PKHD1: variants seen among roughly 807,000 people sequenced by gnomAD.
PKHD1 encodes the protein fibrocystin.
In PKHD1, 291 loss-of-function variants were observed where a neutral mutation model predicts 412.0. That is an observed-to-expected ratio of 0.71 (90% CI 0.64 to 0.78). The LOEUF (loss-of-function observed/expected upper bound fraction) is 0.78, where lower values mean the gene tolerates loss of function less well. Among genes scored for constraint, PKHD1 ranks in the 30% least tolerant of loss-of-function variants. The pLI is 0.00. For missense variants in PKHD1, 4,825 were observed against 4,950.7 expected, an observed-to-expected ratio of 0.97 and a Z score of 0.76; for synonymous variants, 1,777 against 1,821.5, an observed-to-expected ratio of 0.98 and a Z score of 0.62.
chr6:51,869,286 C>A, intron 47 of PKHD1, among the ~76,000 whole-genome samples: 1 of 152,106 alleles, frequency 6.6e-6, no homozygotes, highest in East Asian at 1.9e-4. Context: ...CTTGCATATA[C>A]CTTCTTGCAA....
intron 52 of PKHD1, among the ~76,000 whole-genome samples, chr6:51,797,593 T>C (rs751199107): frequency 6.6e-6 from 1 of 152,212 alleles, no homozygotes; most frequent in Non-Finnish European, 1.5e-5. Context: ...TGGTTTAAAG[T>C]CCATTTTGTC....
At chr6:51,975,963 T>TGAAAAAAAAAAAAAAAAAAAAAAAAAAAA (rs1231391714) in intron 35 of PKHD1, 1 of 69,764 alleles carries the variant, frequency 1.4e-5, no homozygotes, top group Non-Finnish European at 2.7e-5. Context: ...TTTCTCTAAT[T>TGAAAAAAAAAAAAAAAAAAAAAAAAAAAA]AAAAAAAAAA....
chr6:51,853,808 C>A (rs1195086558), intron 49 of PKHD1, among the ~76,000 whole-genome samples: 1 of 152,140 alleles, frequency 6.6e-6, no homozygotes, highest in African/African-American at 2.4e-5. Flanking sequence ...TTCTAGTTAG[C>A]AATTCCTCTA....
At chr6:51,721,921 T>C (rs1781969557) in intron 60 of PKHD1, 2 of 1,611,932 alleles carry the variant, frequency 1.2e-6, no homozygotes, top group Non-Finnish European at 1.7e-6. Context: ...CTCCAACCCA[T>C]TCTTCACCCT....
chr6:52,052,691 C>T (rs1390357945), intron 21 of PKHD1, among the ~76,000 whole-genome samples: 1 of 152,118 alleles, frequency 6.6e-6, no homozygotes, highest in Admixed American at 6.5e-5. Context: ...ATTTATTAGA[C>T]ACCTTCTATG....
At chr6:51,992,420 G>A (rs1195386181) in intron 35 of PKHD1, among the ~76,000 whole-genome samples, 1 of 152,210 alleles carries the variant, frequency 6.6e-6, no homozygotes, top group Non-Finnish European at 1.5e-5. Flanking sequence ...TCCAAGTGAA[G>A]TTATGAATTC....
intron 60 of PKHD1, among the ~76,000 whole-genome samples, chr6:51,738,271 C>T (rs980224777): frequency 1.5e-4 from 23 of 152,140 alleles, no homozygotes; most frequent in African/African-American, 5.3e-4. Context: ...CTACTGCCAC[C>T]TTTCTTAAAA....
intron 43 of PKHD1, 70 bp from the exon 44 acceptor site, chr6:51,887,315 T>G (rs757644270): frequency 8.7e-5 from 80 of 917,654 alleles, no homozygotes; most frequent in Non-Finnish European, 1.3e-4. Context: ...AGAAAGACTC[T>G]TGTTTGTACT....
chr6:51,929,150 T>C (rs1786190185), intron 37 of PKHD1, among the ~76,000 whole-genome samples: 1 of 152,068 alleles, frequency 6.6e-6, no homozygotes. Context: ...AAAAATATAT[T>C]GTTGGATAAG....
intron 60 of PKHD1, among the ~76,000 whole-genome samples, chr6:51,666,191 C>G (rs547158842): frequency 5.3e-4 from 81 of 152,094 alleles, no homozygotes; most frequent in African/African-American, 1.9e-3. Flanking sequence ...ACAAAGATAT[C>G]AATTCAAAAT....
intron 53 of PKHD1, among the ~76,000 whole-genome samples, chr6:51,776,869 G>A (rs751789320): frequency 5.9e-5 from 9 of 152,062 alleles, no homozygotes; most frequent in Non-Finnish European, 1.2e-4. Context: ...GTGGAGTTTG[G>A]TATGAAAATT....
At chr6:51,953,938 A>G (rs1435374624) in intron 36 of PKHD1, among the ~76,000 whole-genome samples, 2 of 152,104 alleles carry the variant, frequency 1.3e-5, no homozygotes, top group Admixed American at 6.6e-5. Flanking sequence ...CCTCCCTCGC[A>G]ATAGAAGGAA....
At chr6:51,968,304 C>A (rs959976645) in intron 35 of PKHD1, among the ~76,000 whole-genome samples, 4 of 152,148 alleles carry the variant, frequency 2.6e-5, no homozygotes, top group Non-Finnish European at 4.4e-5. Flanking sequence ...AAGCATCAAG[C>A]TACTTTGTAG....
rs1479939738 is a variant in PKHD1, at chr6:51,748,012, T to A, written c.9604A>T (p.Asn3202Tyr). The A allele has an allele frequency of 6.2e-7, 1 of 1,614,070 alleles. No individual in the cohort carries two copies. The highest frequency in any genetic ancestry group is 8.5e-7 in the Non-Finnish European group (1 of 1,179,970). Reference sequence around the variant, plus strand: ...GAGCTGGTGGCCACAATGACTGAATTCCTAAGCACAATCTGCACTTTTTTG... The same window carrying A: ...GAGCTGGTGGCCACAATGACTGAATACCTAAGCACAATCTGCACTTTTTTG... ...SVKKVQIVLR[N>Y]SVIVATSSSF... The change falls in exon 58 of 67, where the codon AAT becomes TAT. Residue 3202 changes from asparagine (N) to tyrosine (Y), a missense_variant. Physicochemically the swap from Asn to Tyr is moderately radical, Grantham distance 143. Transcript: ENST00000371117.
intron 60 of PKHD1, among the ~76,000 whole-genome samples, chr6:51,698,844 T>C (rs1301361919): frequency 6.6e-6 from 1 of 152,212 alleles, no homozygotes; most frequent in Non-Finnish European, 1.5e-5. Flanking sequence ...TTTAACAAGA[T>C]CTCGCAACTC....
At chr6:51,914,756 C>G (rs1783507749) in intron 37 of PKHD1, among the ~76,000 whole-genome samples, 1 of 152,024 alleles carries the variant, frequency 6.6e-6, no homozygotes, top group Admixed American at 6.6e-5. Flanking sequence ...AAATTCTGTT[C>G]CAAGAAGCCC....
At chr6:51,768,688 A>G (rs1052107732) in intron 55 of PKHD1, among the ~76,000 whole-genome samples, 1 of 151,814 alleles carries the variant, frequency 6.6e-6, no homozygotes, top group African/African-American at 2.4e-5. Flanking sequence ...TTGCCTGAAT[A>G]TATTGGCTAA....
chr6:51,955,541 A>G (rs770841806), intron 36 of PKHD1, among the ~76,000 whole-genome samples: 15 of 152,136 alleles, frequency 9.9e-5, no homozygotes, highest in Non-Finnish European at 1.3e-4. Flanking sequence ...TTGAGGGTCC[A>G]TAAAGTGTTG....
At chr6:51,915,146 T>C (rs1489599860) in intron 37 of PKHD1, among the ~76,000 whole-genome samples, 2 of 152,038 alleles carry the variant, frequency 1.3e-5, no homozygotes, top group African/African-American at 4.8e-5. Context: ...ATAGGCCCTC[T>C]CTCTTGACCA....
Sources: allele counts gnomAD v4.1 joint callset (sites outside exome capture counted in the v4.1 genomes callset), GRCh38; gene constraint gnomAD v4.1.1; transcripts MANE v1.5; gene names NCBI Gene and HGNC (gene_info 2026-07-23, HGNC 2026-07-21).